UNC13C: variants seen among roughly 807,000 people sequenced by gnomAD.
UNC13C encodes the protein unc-13 homolog C.
A neutral mutation model predicts 245.4 loss-of-function variants in UNC13C; 174 were observed. The observed-to-expected ratio is 0.71, with a 90% CI of 0.63 to 0.80. UNC13C has a LOEUF of 0.80. UNC13C is among the 30% of genes least tolerant of loss of function. The pLI is 0.00. For missense variants in UNC13C, 2,829 were observed against 2,602.9 expected (o/e 1.09, Z -1.89); for synonymous variants, 992 against 895.1 (o/e 1.11, Z -1.93).
chr15:54,478,271 C>G (rs553062174), intron 19 of UNC13C, among the ~76,000 whole-genome samples: 1 of 129,706 alleles, frequency 7.7e-6, no homozygotes, highest in South Asian at 2.6e-4. Context: ...CTCCTGGATT[C>G]ATTAATTTTT....
chr15:53,918,922 T>C, the UNC13C span, among the ~76,000 whole-genome samples: 1 of 152,222 alleles, frequency 6.6e-6, no homozygotes, highest in Non-Finnish European at 1.5e-5. Context: ...TCACAGCATA[T>C]ATGCTTTCAT....
At chr15:54,577,759 C>T (rs979157572) in intron 30 of UNC13C, among the ~76,000 whole-genome samples, 1 of 152,134 alleles carries the variant, frequency 6.6e-6, no homozygotes, top group Non-Finnish European at 1.5e-5. Flanking sequence ...CAGCGAAACC[C>T]TCATAAAAAG....
the UNC13C span, among the ~76,000 whole-genome samples, chr15:53,900,632 T>C: frequency 6.6e-6 from 1 of 152,128 alleles, no homozygotes; most frequent in Admixed American, 6.5e-5. Flanking sequence ...TATTGCAGTA[T>C]AAAAATAGAG....
the UNC13C span, among the ~76,000 whole-genome samples, chr15:53,887,953 T>G: frequency 2.0e-5 from 3 of 152,212 alleles, no homozygotes; most frequent in Non-Finnish European, 2.9e-5. Flanking sequence ...CAGTCTATCA[T>G]TGATGGACAT....
chr15:53,962,475 T>C, the UNC13C span, among the ~76,000 whole-genome samples: 1 of 152,220 alleles, frequency 6.6e-6, no homozygotes, highest in Admixed American at 6.5e-5. Flanking sequence ...TGTGTGAGTA[T>C]GTGTGTGTAC....
chr15:54,158,353 A>T (rs1469863401), intron 4 of UNC13C, among the ~76,000 whole-genome samples: 1 of 151,778 alleles, frequency 6.6e-6, no homozygotes, highest in African/African-American at 2.4e-5. Flanking sequence ...TTTGAAATGG[A>T]GTCTCACTCT....
intron 19 of UNC13C, among the ~76,000 whole-genome samples, chr15:54,417,842 T>C (rs75621233): frequency 0.05 from 7,651 of 152,236 alleles, 325 homozygotes; most frequent in Admixed American, 0.13. Context: ...AGTAGATTAG[T>C]GACATAATTC....
At chr15:53,903,602 C>A in the UNC13C span, among the ~76,000 whole-genome samples, 3 of 152,156 alleles carry the variant, frequency 2.0e-5, no homozygotes, top group Non-Finnish European at 4.4e-5. Flanking sequence ...CGAGAATTCC[C>A]ATAATCTCCA....
Position 54,332,049 on chromosome 15 carries a change from A to G in UNC13C, c.4432A>G (p.Lys1478Glu). 1 of 1,578,856 alleles carries G rather than the reference A, an allele frequency of 6.3e-7. No homozygotes were observed. The highest frequency in any genetic ancestry group is 8.6e-7 in the Non-Finnish European group (1 of 1,160,400). Residue 1478 changes from lysine to glutamate, a missense_variant, in exon 15 of 33, where the codon AAA (lysine) becomes GAA (glutamate). Coordinates refer to ENST00000260323, the MANE Select transcript of UNC13C (RefSeq NM_001080534.3). ...TTGTGTTTGCTTTGTACAGAGGGAA[A>G]AATTCATAAAACTACTGGACCAGTT... ...RFAATNFGREKFIKLLDQLHN... is the reference protein window; with the variant it reads ...RFAATNFGREEFIKLLDQLHN...
intron 1 of UNC13C, among the ~76,000 whole-genome samples, chr15:53,989,591 T>A (rs1267080810): frequency 6.6e-6 from 1 of 152,016 alleles, no homozygotes; most frequent in Non-Finnish European, 1.5e-5. Flanking sequence ...TTTCTTTTTT[T>A]ATTCTCAGAT....
intron 26 of UNC13C, 59 bp downstream of exon 26, chr15:54,533,125 T>A: frequency 7.3e-7 from 1 of 1,367,748 alleles, no homozygotes; most frequent in Non-Finnish European, 1.0e-6. Context: ...CCTTTAAGGC[T>A]TTAAGAAAAA....
chr15:54,496,272 T>C (rs1222630797), intron 20 of UNC13C, among the ~76,000 whole-genome samples: 1 of 152,036 alleles, frequency 6.6e-6, no homozygotes, highest in Non-Finnish European at 1.5e-5. Flanking sequence ...ACTGAAAATA[T>C]AGAGTGATTG....
At position 54,280,668 on chromosome 15, in the gene UNC13C, AC is replaced by A. The variant is rs568164516; in HGVS notation, c.3819-13226del. Among the ~76,000 whole-genome samples, 114 of 142,914 alleles carry A rather than the reference AC, an allele frequency of 8.0e-4. No individual in the cohort carries two copies. The East Asian group carries it at 0.021, about 27-fold the overall frequency. The allele number at this position is 142,914 out of a possible 152,430, so 93.8% of individuals were successfully genotyped here. ...TAAACATATATGTATGTATATACATACATATACATATATACATATATAAACA... is the reference window on the plus strand; with the variant it reads ...TAAACATATATGTATGTATATACATAATATACATATATACATATATAAACA... On this transcript the variant is annotated intron_variant, in intron 10 of 32. Transcript: ENST00000260323.
Position 54,275,351 on chromosome 15 carries a change from T to C in UNC13C, c.3818+9855T>C, listed in dbSNP as rs149653380. On this transcript the variant is annotated intron_variant, in intron 10 of 32. Transcript: ENST00000260323. ...AAAATATGCCCAATAGCATTAGTTATTAGGGAAATTCAAATTAAAACTATG... is the reference window on the plus strand; with the variant it reads ...AAAATATGCCCAATAGCATTAGTTACTAGGGAAATTCAAATTAAAACTATG... Among the ~76,000 whole-genome samples the C allele has an allele frequency of 1.4e-3, 217 of 152,306 alleles. 1 individual carries two copies. Among genetic ancestry groups the C allele is most frequent in the African/African-American group, 5.0e-3 (206 of 41,586 alleles).
intron 2 of UNC13C, chr15:54,050,445 C>G (rs1486527074): frequency 3.6e-6 from 2 of 554,078 alleles, no homozygotes; most frequent in African/African-American, 1.9e-5. Context: ...CCTGGGCTTG[C>G]TGAGCTAAAG....
the UNC13C span, among the ~76,000 whole-genome samples, chr15:53,875,819 C>A: frequency 6.6e-6 from 1 of 152,176 alleles, no homozygotes; most frequent in East Asian, 1.9e-4. Flanking sequence ...AGGGTCTGGG[C>A]CATGCCTTGC....
At chr15:54,126,176 G>T (rs2141204427) in intron 2 of UNC13C, among the ~76,000 whole-genome samples, 1 of 152,104 alleles carries the variant, frequency 6.6e-6, no homozygotes, top group East Asian at 1.9e-4. Context: ...CCAAATAAAA[G>T]TTACAGCATA....
intron 30 of UNC13C, among the ~76,000 whole-genome samples, chr15:54,585,419 C>G (rs1028916284): frequency 1.2e-4 from 19 of 152,302 alleles, no homozygotes; most frequent in African/African-American, 4.6e-4. Flanking sequence ...TCAAAAGAAG[C>G]AGATGCTGGT....
At chr15:53,862,558 G>A in the UNC13C span, among the ~76,000 whole-genome samples, 1 of 152,008 alleles carries the variant, frequency 6.6e-6, no homozygotes, top group Non-Finnish European at 1.5e-5. Context: ...ACCCAGGCAG[G>A]GTCTTAATAG....
Sources: gnomAD v4.1 joint callset for allele counts (sites outside exome capture counted in the v4.1 genomes callset) on GRCh38, gnomAD v4.1.1 for gene constraint, MANE v1.5 for transcripts, NCBI Gene and HGNC (gene_info 2026-07-23, HGNC 2026-07-21) for gene names.